The following SLC4A5 variants were observed in gnomAD, a reference collection of about 807,000 sequenced individuals.
The protein encoded by SLC4A5 is electrogenic sodium bicarbonate cotransporter 4.
A neutral mutation model predicts 120.4 loss-of-function variants in SLC4A5; 96 were observed. That is an observed-to-expected ratio of 0.80 (90% CI 0.68 to 0.94). The LOEUF (loss-of-function observed/expected upper bound fraction) is 0.94, where lower values mean the gene tolerates loss of function less well. Among genes scored for constraint, SLC4A5 ranks in the 40% least tolerant of loss-of-function variants. The pLI is 0.00. For synonymous variants in SLC4A5, 550 were observed against 571.1 expected, an observed-to-expected ratio of 0.96 and a Z score of 0.53; for missense variants, 1,259 against 1,459.5, an observed-to-expected ratio of 0.86 and a Z score of 2.24.
intron 5 of SLC4A5, among the ~76,000 whole-genome samples, chr2:74,322,655 G>A (rs1673124897): frequency 6.6e-6 from 1 of 151,862 alleles, no homozygotes; most frequent in East Asian, 1.9e-4. Context: ...ACACATTTGA[G>A]GTATTTTATT....
At chr2:74,314,553 C>G (rs1672904776) in intron 6 of SLC4A5, among the ~76,000 whole-genome samples, 1 of 152,196 alleles carries the variant, frequency 6.6e-6, no homozygotes, top group Admixed American at 6.5e-5. Context: ...GTCAGCAATT[C>G]TGGAGCAACA....
In SLC4A5 at chr2:74,239,602, C is replaced by T; in HGVS notation, c.2119-67G>A. Reference sequence around the variant, plus strand: ...TGATGAGTCAGCTGTGTCCTTCCCACTGCAGTCCCCAGGCAGCCAGCATAC... The same window carrying T: ...TGATGAGTCAGCTGTGTCCTTCCCATTGCAGTCCCCAGGCAGCCAGCATAC... On this transcript the variant is annotated intron_variant, in intron 20 of 30. Transcript: ENST00000394019. 3 of 1,514,892 alleles carry T rather than the reference C, an allele frequency of 2.0e-6. No individual in the cohort carries two copies. In the South Asian group the frequency reaches 3.4e-5, roughly 17 times the overall value. 93.8% of individuals were successfully genotyped at this position (1,514,892 alleles called of 1,614,324 possible).
At chr2:74,334,346 C>T (rs995796472) in intron 3 of SLC4A5, among the ~76,000 whole-genome samples, 169 bp from the exon 4 acceptor site, 1 of 152,298 alleles carries the variant, frequency 6.6e-6, no homozygotes, top group Non-Finnish European at 1.5e-5. Flanking sequence ...GCAGCCACGA[C>T]GCAAGTCTTG....
intron 8 of SLC4A5, among the ~76,000 whole-genome samples, chr2:74,268,389 C>T (rs977138006): frequency 5.3e-5 from 8 of 152,154 alleles, no homozygotes; most frequent in African/African-American, 1.4e-4. Context: ...TTAATGGCAC[C>T]ACAAGGACCT....
At chr2:74,252,716 A>G (rs1240402267) in intron 15 of SLC4A5, among the ~76,000 whole-genome samples, 1 of 152,000 alleles carries the variant, frequency 6.6e-6, no homozygotes, top group Non-Finnish European at 1.5e-5. Context: ...CCTCCAGAGT[A>G]GCAGGGACTA....
At chr2:74,315,384 G>A (rs1377367880) in intron 5 of SLC4A5, among the ~76,000 whole-genome samples, 1 of 148,218 alleles carries the variant, frequency 6.7e-6, no homozygotes, top group Non-Finnish European at 1.5e-5. Context: ...AGGTTGCAAT[G>A]AGCTGAGATT....
At chr2:74,322,772 A>G (rs1573103528) in intron 5 of SLC4A5, among the ~76,000 whole-genome samples, 1 of 152,212 alleles carries the variant, frequency 6.6e-6, no homozygotes, top group African/African-American at 2.4e-5. Flanking sequence ...CACAGAAAAT[A>G]TCTGGGAAAA....
At chr2:74,317,478 G>A (rs961479366) in intron 5 of SLC4A5, among the ~76,000 whole-genome samples, 1 of 152,144 alleles carries the variant, frequency 6.6e-6, no homozygotes, top group African/African-American at 2.4e-5. Flanking sequence ...ATGATGCAGA[G>A]CGGGCTGAAC....
At chr2:74,265,145 A>C (rs1671262393) in exon 9 of SLC4A5, 1 of 1,614,060 alleles carries the variant, frequency 6.2e-7, no homozygotes, top group Non-Finnish European at 8.5e-7. Flanking sequence ...ATCCAGCAGC[A>C]CCGTCCCCGT....
chr2:74,291,076 C>A (rs1296253653), intron 7 of SLC4A5, among the ~76,000 whole-genome samples: 1 of 152,148 alleles, frequency 6.6e-6, no homozygotes, highest in African/African-American at 2.4e-5. Context: ...ACTGACCAAG[C>A]AGTGCTCGAT....
intron 25 of SLC4A5, among the ~76,000 whole-genome samples, chr2:74,230,249 A>T (rs1162034807): frequency 2.6e-5 from 4 of 152,198 alleles, no homozygotes; most frequent in Admixed American, 6.5e-5. Flanking sequence ...GCACTGATCA[A>T]GGGAAAGGGA....
intron 21 of SLC4A5, 92 bp downstream of exon 21, chr2:74,239,243 G>T: frequency 8.2e-7 from 1 of 1,224,680 alleles, no homozygotes; most frequent in South Asian, 1.3e-5. Context: ...GTGCTCGCAT[G>T]GAGTCCATCC....
chr2:74,230,708 AT>A (rs892263697), intron 25 of SLC4A5, among the ~76,000 whole-genome samples: 1 of 151,954 alleles, frequency 6.6e-6, no homozygotes, highest in African/African-American at 2.4e-5. Flanking sequence ...GGGAGAGAGG[AT>A]TGGTGATGAT....
chr2:74,219,176 G>GGT (rs58141033), intron 30 of SLC4A5, among the ~76,000 whole-genome samples: 4,946 of 134,228 alleles, frequency 0.037, 73 homozygotes, highest in East Asian at 0.046. Flanking sequence ...GCTCTTTGGA[G>GGT]GTGTGTGTGT....
intron 8 of SLC4A5, among the ~76,000 whole-genome samples, chr2:74,269,876 T>C (rs13032684): frequency 6.6e-6 from 1 of 152,190 alleles, no homozygotes; most frequent in Non-Finnish European, 1.5e-5. Flanking sequence ...ATAAGAGCAA[T>C]GCTTCCTCTT....
At chr2:74,322,035 CTT>C (rs1225205451) in intron 5 of SLC4A5, among the ~76,000 whole-genome samples, 3 of 152,054 alleles carry the variant, frequency 2.0e-5, no homozygotes, top group African/African-American at 7.2e-5. Flanking sequence ...GACCTTGAGA[CTT>C]TGAGATAAAG....
chr2:74,284,548 C>A (rs1671920044), intron 8 of SLC4A5, among the ~76,000 whole-genome samples: 1 of 152,102 alleles, frequency 6.6e-6, no homozygotes, highest in Admixed American at 6.5e-5. Flanking sequence ...AAATTAAATT[C>A]TTCTCCTGGG....
At chr2:74,299,076 C>T (rs1038717885) in intron 7 of SLC4A5, among the ~76,000 whole-genome samples, 1 of 152,112 alleles carries the variant, frequency 6.6e-6, no homozygotes, top group Non-Finnish European at 1.5e-5. Context: ...TCTCGCCAGG[C>T]GCAGTGGCTC....
chr2:74,250,671 G>C (rs1670761769), intron 16 of SLC4A5, 154 bp from the exon 17 acceptor site: 1 of 864,486 alleles, frequency 1.2e-6, no homozygotes, highest in Non-Finnish European at 1.8e-6. Flanking sequence ...TTAGGGCCAG[G>C]GATGAATTCC....
Sources: allele counts gnomAD v4.1 joint callset (sites outside exome capture counted in the v4.1 genomes callset), GRCh38; gene constraint gnomAD v4.1.1; transcripts MANE v1.5; gene names NCBI Gene and HGNC (gene_info 2026-07-23, HGNC 2026-07-21).